BCAR3: variants seen among roughly 807,000 people sequenced by gnomAD.
The protein encoded by BCAR3 is breast cancer anti-estrogen resistance protein 3.
Under a neutral mutation model 80.1 loss-of-function variants are expected in BCAR3, and 37 were observed. That is an observed-to-expected ratio of 0.46 (90% CI 0.36 to 0.61). BCAR3 has a LOEUF of 0.61. BCAR3 is among the 20% of genes least tolerant of loss of function. The probability of loss-of-function intolerance (pLI) is 0.00; values close to 1 mark genes in which losing one functional copy is unlikely to be tolerated. For missense variants in BCAR3, 978 were observed against 1,068.2 expected, an observed-to-expected ratio of 0.92 and a Z score of 1.18; for synonymous variants, 389 against 418.9, an observed-to-expected ratio of 0.93 and a Z score of 0.87.
intron 2 of BCAR3, among the ~76,000 whole-genome samples, chr1:93,661,328 T>A (rs1199382367): frequency 6.6e-6 from 1 of 152,008 alleles, no homozygotes; most frequent in East Asian, 1.9e-4. Context: ...TGTAAGCCAC[T>A]GCACCCGGCC....
chr1:93,754,266 T>C (rs535627036), intron 2 of BCAR3: 2 of 152,304 alleles, frequency 1.3e-5, no homozygotes, highest in African/African-American at 4.8e-5. Flanking sequence ...GCCCACATCC[T>C]ACTGGATTCC....
chr1:93,833,089 G>C lies in BCAR3; in HGVS notation c.-63+12478C>G, dbSNP rs532217973. Among the ~76,000 whole-genome samples, 19 of 152,156 alleles carry C rather than the reference G, an allele frequency of 1.2e-4. No homozygotes were observed. The South Asian group carries it at 1.7e-3, about 13-fold the overall frequency. The stretch of plus-strand genomic sequence containing the variant: ...TTTCTATTTTCCCCAAGTGTCGGCC[G>C]GTCTGAGAAATAAAGAGAAAGAGTA... On this transcript the variant is annotated intron_variant, in intron 2 of 13. Transcript: ENST00000370244.
upstream of BCAR3, among the ~76,000 whole-genome samples, chr1:93,684,612 G>C (rs116746938): frequency 0.013 from 1,949 of 152,318 alleles, 25 homozygotes; most frequent in African/African-American, 0.036. Flanking sequence ...AACAGACTCA[G>C]GAAGGTTAAG....
At chr1:93,721,099 T>C (rs1650381867) in intron 2 of BCAR3, among the ~76,000 whole-genome samples, 1 of 151,952 alleles carries the variant, frequency 6.6e-6, no homozygotes, top group African/African-American at 2.4e-5. Context: ...ACTTTAGAAG[T>C]TCAGGGATGC....
intron 3 of BCAR3, among the ~76,000 whole-genome samples, chr1:93,608,664 T>G (rs1480957104): frequency 1.3e-5 from 2 of 152,300 alleles, no homozygotes; most frequent in Non-Finnish European, 2.9e-5. Flanking sequence ...GGATCCCAGC[T>G]CCAGGGTCTG....
At chr1:93,776,806 T>C (rs1463730325) in intron 2 of BCAR3, among the ~76,000 whole-genome samples, 1 of 152,182 alleles carries the variant, frequency 6.6e-6, no homozygotes, top group East Asian at 1.9e-4. Context: ...GAAAATAAAG[T>C]CTTATGTCTT....
chr1:93,821,724 C>T (rs1456961235), intron 2 of BCAR3, among the ~76,000 whole-genome samples: 1 of 152,198 alleles, frequency 6.6e-6, no homozygotes, highest in African/African-American at 2.4e-5. Context: ...TAGCACAGTA[C>T]TCCCTGTGTT....
chr1:93,691,377 G>A (rs1649181452), intron 3 of BCAR3, among the ~76,000 whole-genome samples: 2 of 152,274 alleles, frequency 1.3e-5, no homozygotes, highest in Non-Finnish European at 2.9e-5. Context: ...AATCGAAGCA[G>A]GGGCAAGTAT....
At chr1:93,757,302 C>A (rs4520428) in intron 2 of BCAR3, among the ~76,000 whole-genome samples, 60,443 of 152,038 alleles carry the variant, frequency 0.4, 13,268 homozygotes, top group Non-Finnish European at 0.5. Context: ...CACCACTCTT[C>A]TCCCACAGAG....
At chr1:93,790,900 G>A (rs1253329169) in intron 2 of BCAR3, among the ~76,000 whole-genome samples, 8 of 71,500 alleles carry the variant, frequency 1.1e-4, no homozygotes, top group African/African-American at 2.5e-4. Context: ...GAGAATATGC[G>A]GTGTTTGGTT....
chr1:93,726,287 G>C (rs893011531), intron 2 of BCAR3, among the ~76,000 whole-genome samples: 1 of 151,948 alleles, frequency 6.6e-6, no homozygotes, highest in Admixed American at 6.6e-5. Flanking sequence ...TGCCAAGGCT[G>C]GTCTCAGACT....
chr1:93,667,988 T>C (rs1356762817), intron 2 of BCAR3, among the ~76,000 whole-genome samples: 3 of 152,214 alleles, frequency 2.0e-5, no homozygotes, highest in Non-Finnish European at 4.4e-5. Flanking sequence ...TAGTAATTTA[T>C]AACTGCATAG....
At chr1:93,838,423 G>C (rs1032972352) in intron 2 of BCAR3, among the ~76,000 whole-genome samples, 3 of 152,194 alleles carry the variant, frequency 2.0e-5, no homozygotes, top group Non-Finnish European at 4.4e-5. Flanking sequence ...ACTACTATGA[G>C]AGTAGCACGA....
intron 3 of BCAR3, among the ~76,000 whole-genome samples, chr1:93,687,562 C>T (rs1259307699): frequency 6.6e-6 from 1 of 152,216 alleles, no homozygotes. Flanking sequence ...CCACCCCAGC[C>T]TCCCAAAGTG....
intron 2 of BCAR3, among the ~76,000 whole-genome samples, chr1:93,802,613 GGTTAT>G (rs2100791499): frequency 6.6e-6 from 1 of 152,320 alleles, no homozygotes; most frequent in African/African-American, 2.4e-5. Flanking sequence ...AACTTCTGTG[GGTTAT>G]GGAAGTGGGA....
At chr1:93,649,944 TTA>T (rs1460723659) in intron 2 of BCAR3, among the ~76,000 whole-genome samples, 2 of 151,674 alleles carry the variant, frequency 1.3e-5, no homozygotes, top group African/African-American at 4.8e-5. Context: ...AGAAAGGTCC[TTA>T]TAAGTGGACA....
chr1:93,634,858 T>C (rs1334974177), intron 3 of BCAR3, among the ~76,000 whole-genome samples: 1 of 152,216 alleles, frequency 6.6e-6, no homozygotes, highest in East Asian at 1.9e-4. Context: ...CTTTTTCTTT[T>C]GTAAATTGCC....
chr1:93,785,639 A>G (rs1167450020), intron 2 of BCAR3, among the ~76,000 whole-genome samples: 1 of 152,228 alleles, frequency 6.6e-6, no homozygotes, highest in African/African-American at 2.4e-5. Context: ...TTAACTAGTG[A>G]ATATGCATCA....
intron 2 of BCAR3, among the ~76,000 whole-genome samples, chr1:93,762,398 C>T (rs1214073651): frequency 6.6e-6 from 1 of 152,208 alleles, no homozygotes; most frequent in Non-Finnish European, 1.5e-5. Flanking sequence ...GGCTCCCCAT[C>T]ATGGTGACCA....
Sources: gnomAD v4.1 joint callset for allele counts (sites outside exome capture counted in the v4.1 genomes callset) on GRCh38, gnomAD v4.1.1 for gene constraint, MANE v1.5 for transcripts, NCBI Gene and HGNC (gene_info 2026-07-23, HGNC 2026-07-21) for gene names.